SERPINI1: variants seen among roughly 807,000 people sequenced by gnomAD.
SERPINI1 encodes serpin family I member 1, also known as neuroserpin.
A neutral mutation model predicts 41.1 loss-of-function variants in SERPINI1; 19 were observed. The ratio of observed to expected loss-of-function variants is 0.46; its 90% CI spans 0.32 to 0.68. The LOEUF (loss-of-function observed/expected upper bound fraction) is 0.68. Ranked by LOEUF, SERPINI1 falls within the 30% of genes least tolerant of loss-of-function variation. SERPINI1 has a pLI of 0.03. For missense variants in SERPINI1, 460 were observed against 479.2 expected (o/e 0.96, Z 0.37); for synonymous variants, 138 against 156.6 (o/e 0.88, Z 0.89).
intron 1 of SERPINI1, among the ~76,000 whole-genome samples, chr3:167,766,630 A>G (rs1414049649): frequency 6.6e-6 from 1 of 152,248 alleles, no homozygotes; most frequent in Non-Finnish European, 1.5e-5. Flanking sequence ...ATGCAAAGAA[A>G]AAATCCTGAA....
intron 4 of SERPINI1, among the ~76,000 whole-genome samples, chr3:167,793,918 C>G (rs930038224): frequency 5.4e-5 from 8 of 149,344 alleles, no homozygotes; most frequent in African/African-American, 2.0e-4. Context: ...CCTCATTTAC[C>G]TAATTACCTA....
At chr3:167,771,316 T>C (rs1166747374) in intron 1 of SERPINI1, among the ~76,000 whole-genome samples, 1 of 148,534 alleles carries the variant, frequency 6.7e-6, no homozygotes, top group Non-Finnish European at 1.5e-5. Flanking sequence ...TGAAATGTTA[T>C]AAAGATGATT....
intron 6 of SERPINI1, among the ~76,000 whole-genome samples, chr3:167,815,443 G>A (rs1560017607): frequency 6.6e-6 from 1 of 151,134 alleles, no homozygotes. Context: ...AGGCTGGAGT[G>A]CAGTGGCACA....
At chr3:167,801,202 T>C (rs1307932355) in intron 5 of SERPINI1, among the ~76,000 whole-genome samples, 3 of 152,254 alleles carry the variant, frequency 2.0e-5, no homozygotes, top group Admixed American at 6.5e-5. Context: ...ATATGTGTTA[T>C]AGTCTCCTAC....
At chr3:167,772,862 C>CTATA (rs1439011529) in intron 1 of SERPINI1, among the ~76,000 whole-genome samples, 4 of 23,654 alleles carry the variant, frequency 1.7e-4, no homozygotes, top group Non-Finnish European at 2.3e-4. Flanking sequence ...CTCTCTCTCT[C>CTATA]TCTATATATA....
chr3:167,773,552 T>C (rs971954697), intron 1 of SERPINI1, among the ~76,000 whole-genome samples: 3 of 152,218 alleles, frequency 2.0e-5, no homozygotes, highest in African/African-American at 7.2e-5. Flanking sequence ...TAGAATACTT[T>C]GATAGAGCCT....
intron 3 of SERPINI1, 77 bp downstream of exon 3, chr3:167,790,679 G>T: frequency 9.1e-7 from 1 of 1,096,494 alleles, no homozygotes; most frequent in Non-Finnish European, 1.4e-6. Context: ...TTTCCTCCTT[G>T]TTCCTTTTGC....
At chr3:167,757,311 T>C (rs942929815) in intron 1 of SERPINI1, among the ~76,000 whole-genome samples, 4 of 152,200 alleles carry the variant, frequency 2.6e-5, no homozygotes, top group African/African-American at 9.7e-5. Flanking sequence ...TGGGATGTAT[T>C]AAACACTGAA....
intron 1 of SERPINI1, among the ~76,000 whole-genome samples, chr3:167,768,700 A>T (rs759444478): frequency 1.3e-5 from 2 of 152,136 alleles, no homozygotes; most frequent in Non-Finnish European, 2.9e-5. Flanking sequence ...TGGCTTATGG[A>T]ATTTCTCTAA....
At position 167,825,376 on chromosome 3, in the gene SERPINI1, A is replaced by T. The variant is rs1712484887; in HGVS notation, c.*53A>T. The T allele has an allele frequency of 1.9e-6, 2 of 1,070,284 alleles. No individual in the cohort carries two copies. Among genetic ancestry groups the T allele is most frequent in the South Asian group, 1.2e-5 (1 of 80,130 alleles). 66.3% of individuals were successfully genotyped at this position (1,070,284 alleles called of 1,614,324 possible). A position where few individuals can be genotyped will look rare whatever the true frequency, so the allele number is the denominator to read the frequency against. On this transcript the variant is annotated 3_prime_UTR_variant, in exon 9 of 9. Transcript: ENST00000446050. ...CAGTAACTAAGCACATTATGTTTGC[A>T]ACTGGTATATATTTAGGATTTGTGT...
chr3:167,791,455 A>G (rs539719888), intron 3 of SERPINI1, among the ~76,000 whole-genome samples: 1 of 152,196 alleles, frequency 6.6e-6, no homozygotes, highest in Non-Finnish European at 1.5e-5. Flanking sequence ...GAGAATACAG[A>G]GCAAATTTTT....
chr3:167,759,531 T>A (rs1205643279), intron 1 of SERPINI1, among the ~76,000 whole-genome samples: 1 of 151,526 alleles, frequency 6.6e-6, no homozygotes, highest in East Asian at 1.9e-4. Flanking sequence ...ACTCAAAAAA[T>A]CAGATACCAA....
chr3:167,751,037 A>T (rs566755175), intron 1 of SERPINI1, among the ~76,000 whole-genome samples: 2 of 152,280 alleles, frequency 1.3e-5, no homozygotes, highest in South Asian at 2.1e-4. Context: ...TGATAATATT[A>T]AAAAAAGAAT....
chr3:167,796,628 T>C (rs1727720889), intron 5 of SERPINI1, among the ~76,000 whole-genome samples: 1 of 152,194 alleles, frequency 6.6e-6, no homozygotes, highest in Non-Finnish European at 1.5e-5. Flanking sequence ...TGTTCCTGTG[T>C]CAGTTTGCTG....
rs77439897 is a variant in SERPINI1, at chr3:167,786,719, C to T, written c.-18-2392C>T. Among the ~76,000 whole-genome samples the T allele has an allele frequency of 8.5e-3, 1,296 of 151,922 alleles. 98 individuals are homozygous for T. The East Asian group carries it at 0.18, about 22-fold the overall frequency. The stretch of plus-strand genomic sequence containing the variant: ...GGCTATACTAAATTTATTAAAAATG[C>T]CTTTCTTCAATAATAAATTAACTTT... On this transcript the variant is annotated intron_variant, in intron 1 of 8. Transcript: ENST00000446050.
chr3:167,795,478 T>C (rs1361403660), intron 5 of SERPINI1, among the ~76,000 whole-genome samples: 5 of 152,164 alleles, frequency 3.3e-5, no homozygotes, highest in African/African-American at 4.8e-5. Flanking sequence ...ACGTACATCA[T>C]GCTCTTTTCA....
intron 5 of SERPINI1, chr3:167,800,030 G>T (rs1014768104): frequency 2.0e-5 from 3 of 152,012 alleles, no homozygotes; most frequent in Non-Finnish European, 4.4e-5. Flanking sequence ...TATTTTAGCA[G>T]TTTTTTTCCT....
At chr3:167,803,003 C>T (rs1711504600) in intron 5 of SERPINI1, among the ~76,000 whole-genome samples, 1 of 151,704 alleles carries the variant, frequency 6.6e-6, no homozygotes, top group Non-Finnish European at 1.5e-5. Context: ...TGGAAATCAT[C>T]ATTCTCAGTA....
chr3:167,781,263 C>T (rs543604134), intron 1 of SERPINI1, among the ~76,000 whole-genome samples: 1 of 151,992 alleles, frequency 6.6e-6, no homozygotes, highest in African/African-American at 2.4e-5. Context: ...ATTCCAAACT[C>T]CCAGTTTTCC....
Sources: gnomAD v4.1 joint callset for allele counts (sites outside exome capture counted in the v4.1 genomes callset) on GRCh38, gnomAD v4.1.1 for gene constraint, MANE v1.5 for transcripts, NCBI Gene and HGNC (gene_info 2026-07-23, HGNC 2026-07-21) for gene names.